The following CSTL1 variants were observed in gnomAD, a reference collection of about 807,000 sequenced individuals.
CSTL1 encodes the protein cystatin-like 1.
CSTL1 carries 14 observed loss-of-function variants against 14.4 expected under a neutral mutation model. The observed-to-expected ratio is 0.97, with a 90% confidence interval of 0.64 to 1.52. The LOEUF (loss-of-function observed/expected upper bound fraction) is 1.52. CSTL1 is among the 40% of genes most tolerant of loss of function. The pLI, the probability that CSTL1 is intolerant of heterozygous loss-of-function variation, is 0.00. For synonymous variants in CSTL1, 72 were observed against 67.5 expected, an observed-to-expected ratio of 1.07 and a Z score of -0.33; for missense variants, 170 against 168.7, an observed-to-expected ratio of 1.01 and a Z score of -0.04.
At chr20:23,441,039 G>A (rs545153190) in intron 2 of CSTL1, 5 of 177,512 alleles carry the variant, frequency 2.8e-5, no homozygotes, top group South Asian at 1.3e-4. Context: ...AGTTACAGGC[G>A]TGAGATACCA....
downstream of CSTL1, among the ~76,000 whole-genome samples, chr20:23,447,913 T>A (rs1321068768): frequency 6.6e-6 from 1 of 152,264 alleles, no homozygotes; most frequent in Non-Finnish European, 1.5e-5. Context: ...CTTATCGATT[T>A]AAATCTTGTT....
downstream of CSTL1, among the ~76,000 whole-genome samples, chr20:23,446,121 G>A (rs114061104): frequency 0.019 from 2,920 of 152,290 alleles, 97 homozygotes; most frequent in African/African-American, 0.065. Context: ...CAACCTCACT[G>A]CTGTACAGAG....
At chr20:23,459,710 G>C in the CSTL1 span, among the ~76,000 whole-genome samples, 1 of 152,234 alleles carries the variant, frequency 6.6e-6, no homozygotes, top group African/African-American at 2.4e-5. Context: ...ATTCACAACT[G>C]TATCTCCAGG....
the CSTL1 span, among the ~76,000 whole-genome samples, chr20:23,452,340 C>T: frequency 3.3e-5 from 5 of 152,192 alleles, no homozygotes; most frequent in Admixed American, 6.5e-5. Context: ...CACAAGAACA[C>T]GACTTACAAA....
chr20:23,452,961 CAG>C, the CSTL1 span: 4 of 626,968 alleles, frequency 6.4e-6, no homozygotes, highest in Non-Finnish European at 1.1e-5. Flanking sequence ...CCTTCATCAG[CAG>C]CTGAACTCGA....
the CSTL1 span, among the ~76,000 whole-genome samples, chr20:23,454,082 T>C: frequency 2.0e-5 from 3 of 146,548 alleles, no homozygotes; most frequent in South Asian, 6.6e-4. Flanking sequence ...CATGCACACA[T>C]ACACACTGAA....
chr20:23,459,777 T>C, the CSTL1 span, among the ~76,000 whole-genome samples: 2 of 152,250 alleles, frequency 1.3e-5, no homozygotes, highest in Non-Finnish European at 2.9e-5. Flanking sequence ...CATGAACACA[T>C]GGATGATTGA....
chr20:23,460,655 G>A, the CSTL1 span, among the ~76,000 whole-genome samples: 12 of 152,286 alleles, frequency 7.9e-5, no homozygotes, highest in South Asian at 1.7e-3. Flanking sequence ...AGGGAAAAGT[G>A]TGGGATATTG....
At chr20:23,459,704 A>C in the CSTL1 span, among the ~76,000 whole-genome samples, 4 of 152,228 alleles carry the variant, frequency 2.6e-5, no homozygotes, top group Non-Finnish European at 5.9e-5. Flanking sequence ...AGTTTTATTC[A>C]CAACTGTATC....
At chr20:23,441,987 CA>C (rs1986845386) in intron 2 of CSTL1, among the ~76,000 whole-genome samples, 2 of 152,186 alleles carry the variant, frequency 1.3e-5, no homozygotes, top group Admixed American at 1.3e-4. Context: ...CAGGCTGGCT[CA>C]GTGAGGCACT....
chr20:23,447,715 C>G (rs1379171459), downstream of CSTL1, among the ~76,000 whole-genome samples: 1 of 152,192 alleles, frequency 6.6e-6, no homozygotes, highest in Non-Finnish European at 1.5e-5. Context: ...CCCGCCTCGG[C>G]CTCCCAAAGT....
chr20:23,451,246 G>C, the CSTL1 span, among the ~76,000 whole-genome samples: 1 of 152,132 alleles, frequency 6.6e-6, no homozygotes, highest in Non-Finnish European at 1.5e-5. Context: ...AGATGGGCCA[G>C]TGCCAGGTGG....
At chr20:23,452,711 A>T in the CSTL1 span, 1 of 1,614,096 alleles carries the variant, frequency 6.2e-7, no homozygotes, top group Non-Finnish European at 8.5e-7. Context: ...CACTTCATGG[A>T]CGCTTAGAAA....
the CSTL1 span, chr20:23,452,851 T>G: frequency 6.6e-7 from 1 of 1,512,602 alleles, no homozygotes. Flanking sequence ...TTCTCTGTAC[T>G]CCTCAGGGAC....
chr20:23,459,426 C>G, the CSTL1 span: 1 of 152,114 alleles, frequency 6.6e-6, no homozygotes. Flanking sequence ...AGGCAAAGAG[C>G]TTATAATGGT....
chr20:23,448,330 G>C (rs1362486267), downstream of CSTL1, among the ~76,000 whole-genome samples: 2 of 152,206 alleles, frequency 1.3e-5, no homozygotes, highest in African/African-American at 4.8e-5. Flanking sequence ...GCCTGAGCCA[G>C]CATTGAGACA....
chr20:23,450,149 G>A, the CSTL1 span, among the ~76,000 whole-genome samples: 47 of 152,192 alleles, frequency 3.1e-4, no homozygotes, highest in African/African-American at 1.1e-3. Flanking sequence ...GTTGCTTTGA[G>A]CTTCTTCCCT....
chr20:23,450,134 G>GT, the CSTL1 span, among the ~76,000 whole-genome samples: 1 of 152,134 alleles, frequency 6.6e-6, no homozygotes, highest in Non-Finnish European at 1.5e-5. Flanking sequence ...TCTCTTGGCT[G>GT]TTCAGTTGCT....
At chr20:23,457,445 T>C in the CSTL1 span, 1 of 152,190 alleles carries the variant, frequency 6.6e-6, no homozygotes, top group African/African-American at 2.4e-5. Flanking sequence ...AAAAATTCCA[T>C]TTAACATTCA....
Sources: gnomAD v4.1 joint callset for allele counts (sites outside exome capture counted in the v4.1 genomes callset) on GRCh38, gnomAD v4.1.1 for gene constraint, MANE v1.5 for transcripts, NCBI Gene and HGNC (gene_info 2026-07-23, HGNC 2026-07-21) for gene names.